ELMOD1: variants seen among roughly 807,000 people sequenced by gnomAD.
ELMOD1 encodes ELMO domain containing 1.
ELMOD1 carries 21 observed loss-of-function variants against 46.7 expected under a neutral mutation model. The observed-to-expected ratio is 0.45, with a 90% confidence interval of 0.32 to 0.65. The LOEUF (loss-of-function observed/expected upper bound fraction) is 0.65. ELMOD1 is among the 30% of genes least tolerant of loss of function. The probability of loss-of-function intolerance (pLI) is 0.04; values close to 1 mark genes in which losing one functional copy is unlikely to be tolerated. For synonymous variants in ELMOD1, 122 were observed against 138.2 expected (o/e 0.88, Z 0.82); for missense variants, 348 against 407.8 (o/e 0.85, Z 1.26).
chr11:107,654,273 A>C (rs1416952893), intron 10 of ELMOD1, 51 bp downstream of exon 10: 14 of 1,442,560 alleles, frequency 9.7e-6, no homozygotes, highest in Middle Eastern at 1.7e-4. Flanking sequence ...ACAGAACCAG[A>C]ACTAGAACTA....
chr11:107,651,944 G>A (rs1398277832), intron 9 of ELMOD1, among the ~76,000 whole-genome samples: 1 of 152,190 alleles, frequency 6.6e-6, no homozygotes, highest in East Asian at 1.9e-4. Context: ...CCATCCAAGA[G>A]AAAGTATTTT....
At chr11:107,606,058 T>C (rs1419831549) in intron 1 of ELMOD1, among the ~76,000 whole-genome samples, 3 of 152,246 alleles carry the variant, frequency 2.0e-5, no homozygotes, top group Non-Finnish European at 1.5e-5. Flanking sequence ...TCTCTTTCTT[T>C]CCTTGCCCGT....
intron 11 of ELMOD1, among the ~76,000 whole-genome samples, chr11:107,663,770 A>G (rs1225929805): frequency 6.6e-6 from 1 of 152,190 alleles, no homozygotes; most frequent in African/African-American, 2.4e-5. Context: ...TAGTTACTAG[A>G]AAAACAAAAA....
intron 1 of ELMOD1, among the ~76,000 whole-genome samples, chr11:107,611,569 G>A (rs996943944): frequency 9.2e-5 from 14 of 151,900 alleles, no homozygotes; most frequent in African/African-American, 3.4e-4. Context: ...GCCGGTCGTG[G>A]TGGCAGGTGC....
intron 1 of ELMOD1, among the ~76,000 whole-genome samples, chr11:107,599,765 G>GAAAAAAAAAA (rs67957721): frequency 1.3e-5 from 1 of 78,964 alleles, no homozygotes; most frequent in African/African-American, 5.4e-5. Context: ...AAAAAGAAAA[G>GAAAAAAAAAA]AAAAAAAAAA....
chr11:107,623,683 T>G (rs1409124849), intron 2 of ELMOD1: 1 of 152,208 alleles, frequency 6.6e-6, no homozygotes, highest in Non-Finnish European at 1.5e-5. Flanking sequence ...TGTTTTGCTT[T>G]TATAGAATTG....
chr11:107,640,856 C>A (rs1206217701), intron 6 of ELMOD1, among the ~76,000 whole-genome samples: 1 of 152,110 alleles, frequency 6.6e-6, no homozygotes, highest in Non-Finnish European at 1.5e-5. Flanking sequence ...ATAACAAAGT[C>A]CAGCAAATGT....
intron 9 of ELMOD1, among the ~76,000 whole-genome samples, chr11:107,652,888 C>G (rs979320809): frequency 2.0e-5 from 3 of 152,124 alleles, no homozygotes; most frequent in African/African-American, 7.2e-5. Context: ...GTAATAAAAT[C>G]TTTGCTGTGT....
intron 6 of ELMOD1, among the ~76,000 whole-genome samples, chr11:107,644,792 G>A (rs1866391824): frequency 6.6e-6 from 1 of 152,134 alleles, no homozygotes; most frequent in Non-Finnish European, 1.5e-5. Flanking sequence ...ATATTTTTTA[G>A]TTGTGCAGGG....
intron 2 of ELMOD1, among the ~76,000 whole-genome samples, chr11:107,629,430 TA>T (rs1866099066): frequency 6.6e-6 from 1 of 152,170 alleles, no homozygotes; most frequent in Non-Finnish European, 1.5e-5. Context: ...ATGTACAGTA[TA>T]AAGAGAAAAT....
chr11:107,662,606 G>C (rs1004813538), intron 11 of ELMOD1, among the ~76,000 whole-genome samples: 2 of 132,484 alleles, frequency 1.5e-5, no homozygotes, highest in African/African-American at 7.3e-5. Flanking sequence ...GCGAAACTCT[G>C]TCTCAAAAAA....
chr11:107,646,785 G>A (rs1483750467), intron 6 of ELMOD1, among the ~76,000 whole-genome samples: 1 of 149,250 alleles, frequency 6.7e-6, no homozygotes, highest in South Asian at 2.1e-4. Context: ...TTTTTTTTTG[G>A]TTAATAATGC....
At chr11:107,618,890 A>G (rs1037317608) in intron 2 of ELMOD1, among the ~76,000 whole-genome samples, 3 of 152,350 alleles carry the variant, frequency 2.0e-5, no homozygotes, top group East Asian at 1.9e-4. Flanking sequence ...TAAATTTTGC[A>G]TAATATTAAA....
chr11:107,641,306 A>G (rs1327594426), intron 6 of ELMOD1, among the ~76,000 whole-genome samples: 1 of 133,818 alleles, frequency 7.5e-6, no homozygotes, highest in Non-Finnish European at 1.7e-5. Flanking sequence ...AAGAAAAAAG[A>G]AAAAAAATAA....
At chr11:107,632,544 T>G (rs564511648) in intron 5 of ELMOD1, among the ~76,000 whole-genome samples, 51 of 152,332 alleles carry the variant, frequency 3.3e-4, no homozygotes, top group African/African-American at 1.2e-3. Context: ...CCTCCATTTT[T>G]GCCTGGTCTC....
intron 1 of ELMOD1, among the ~76,000 whole-genome samples, chr11:107,597,941 C>A (rs1253197909): frequency 6.6e-6 from 1 of 152,096 alleles, no homozygotes; most frequent in Non-Finnish European, 1.5e-5. Flanking sequence ...GCACAGCACA[C>A]CTAATCAAAT....
Position 107,608,255 on chromosome 11 carries a change from C to G in ELMOD1, c.-85-9850C>G, listed in dbSNP as rs1163961770. Among the ~76,000 whole-genome samples, 5 of 152,100 alleles carry G rather than the reference C, an allele frequency of 3.3e-5. No individual in the cohort carries two copies. In the South Asian group the frequency reaches 8.3e-4, roughly 25 times the overall value. On this transcript the variant is annotated intron_variant, in intron 1 of 11. Transcript: ENST00000265840. ...GGAAACCTAAAGGACCATGGAACTT[C>G]TTCTGCTTTCCAGTAAATTCAAGAA...
At chr11:107,634,848 A>G (rs1421367663) in intron 5 of ELMOD1, among the ~76,000 whole-genome samples, 1 of 152,262 alleles carries the variant, frequency 6.6e-6, no homozygotes. Context: ...AAGACTCGCT[A>G]TCTTAAATAG....
In ELMOD1 at chr11:107,618,175, G is replaced by A; in HGVS notation, c.-15G>A. On this transcript the variant is annotated 5_prime_UTR_variant, in exon 2 of 12. Transcript: ENST00000265840. Reference sequence around the variant, plus strand: ...GGACAGTTCATATAGCATCTGGACAGTCAACACGGGCACCATGAAGCACTT... The same window carrying A: ...GGACAGTTCATATAGCATCTGGACAATCAACACGGGCACCATGAAGCACTT... 6.4e-7 allele frequency: 1 copy of A among 1,566,634 alleles called. No individual in the cohort carries two copies.
Sources: allele counts gnomAD v4.1 joint callset (sites outside exome capture counted in the v4.1 genomes callset), GRCh38; gene constraint gnomAD v4.1.1; transcripts MANE v1.5; gene names NCBI Gene and HGNC (gene_info 2026-07-23, HGNC 2026-07-21).